The following KIAA0513 variants were observed in gnomAD, a reference collection of about 807,000 sequenced individuals.
KIAA0513 encodes the protein uncharacterized protein KIAA0513.
KIAA0513 carries 39 observed loss-of-function variants against 56.5 expected under a neutral mutation model. That is an observed-to-expected ratio of 0.69 (90% CI 0.53 to 0.90). The LOEUF (loss-of-function observed/expected upper bound fraction) is 0.90, where lower values mean the gene tolerates loss of function less well. KIAA0513 is among the 40% of genes least tolerant of loss of function. The probability of loss-of-function intolerance (pLI) is 0.00; values close to 1 mark genes in which losing one functional copy is unlikely to be tolerated. For missense variants in KIAA0513, 591 were observed against 535.2 expected (o/e 1.10, Z -1.03); for synonymous variants, 268 against 215.6 (o/e 1.24, Z -2.13).
intron 2 of KIAA0513, 118 bp downstream of exon 2, chr16:85,067,518 C>T: frequency 2.5e-6 from 2 of 793,312 alleles, no homozygotes; most frequent in Non-Finnish European, 3.9e-6. Flanking sequence ...GCTTCCATTT[C>T]CCCATCAGCC....
chr16:85,054,979 G>A (rs888303102), intron 1 of KIAA0513, among the ~76,000 whole-genome samples: 2 of 152,094 alleles, frequency 1.3e-5, no homozygotes, highest in African/African-American at 4.8e-5. Context: ...CTGGAGTGCA[G>A]TGGTACAATC....
intron 1 of KIAA0513, among the ~76,000 whole-genome samples, chr16:85,043,565 C>T (rs1336117127): frequency 2.0e-5 from 3 of 151,870 alleles, no homozygotes. Context: ...GCGTGCGCCA[C>T]CACACCCGAC....
At chr16:85,062,801 C>T (rs1344170433) in intron 1 of KIAA0513, among the ~76,000 whole-genome samples, 1 of 152,176 alleles carries the variant, frequency 6.6e-6, no homozygotes, top group Admixed American at 6.5e-5. Flanking sequence ...CAGTGTGGCT[C>T]CTTGCTGGAC....
chr16:85,077,321 T>C, intron 5 of KIAA0513, 104 bp from the exon 6 acceptor site: 2 of 1,044,606 alleles, frequency 1.9e-6, no homozygotes, highest in Non-Finnish European at 2.8e-6. Context: ...GGCTCCCGTA[T>C]CCCCACTGCA....
chr16:85,052,593 A>G (rs2073269815), intron 1 of KIAA0513, among the ~76,000 whole-genome samples: 2 of 152,196 alleles, frequency 1.3e-5, no homozygotes, highest in Non-Finnish European at 2.9e-5. Flanking sequence ...TCAGGATAGC[A>G]ATGAGTATAG....
At chr16:85,047,756 G>GC in intron 1 of KIAA0513, among the ~76,000 whole-genome samples, 1 of 152,120 alleles carries the variant, frequency 6.6e-6, no homozygotes, top group South Asian at 2.1e-4. Context: ...TTCTCCTGGA[G>GC]CCCCCGGGCA....
Position 85,089,029 on chromosome 16 carries a change from CAG to C in KIAA0513, c.*707_*708del. ...CGGCCCGGGAGCTGTGTGTCTCCGC[CAG>C]AGTCACAGCAGTGCCGAGGTGTCCG... On this transcript the variant is annotated 3_prime_UTR_variant, in exon 13 of 13. Transcript: ENST00000683363. The surrounding 1 kb of genome is among the most constrained non-coding windows in gnomAD (Gnocchi z 4.2). 1 of 152,420 alleles carries C rather than the reference CAG, an allele frequency of 6.6e-6. No homozygotes were observed. The highest frequency in any genetic ancestry group is 1.9e-4 in the East Asian group (1 of 5,178). 9.4% of individuals were successfully genotyped at this position (152,420 alleles called of 1,614,324 possible).
intron 3 of KIAA0513, among the ~76,000 whole-genome samples, chr16:85,072,279 T>C (rs1208550792): frequency 1.3e-5 from 2 of 152,128 alleles, no homozygotes; most frequent in Admixed American, 1.3e-4. Flanking sequence ...GAAACTGGGC[T>C]TTCAACTTTA....
chr16:85,056,644 C>G (rs1422516698), intron 1 of KIAA0513, among the ~76,000 whole-genome samples: 3 of 152,304 alleles, frequency 2.0e-5, no homozygotes, highest in Admixed American at 6.5e-5. Context: ...GCCGAGAGCC[C>G]TTTGTTCACT....
chr16:85,091,150 T>G lies in KIAA0513; in HGVS notation c.*2825T>G, dbSNP rs1169262600. 6.6e-6 allele frequency: 1 copy of G among 152,266 alleles called. No individual in the cohort carries two copies. The highest frequency in any genetic ancestry group is 1.5e-5 in the Non-Finnish European group (1 of 68,058). 9.4% of individuals were successfully genotyped at this position (152,266 alleles called of 1,614,324 possible). A position where few individuals can be genotyped will look rare whatever the true frequency, so the allele number is the denominator to read the frequency against. The stretch of plus-strand genomic sequence containing the variant: ...GAAGGCCTGTCATCCATGGGGCCAT[T>G]GCAGGCACTCTGCCGCCCGACCTTG... On this transcript the variant is annotated 3_prime_UTR_variant, in exon 13 of 13. Transcript: ENST00000683363.
intron 9 of KIAA0513, 36 bp from the exon 10 acceptor site, chr16:85,082,528 T>A: frequency 6.2e-7 from 1 of 1,612,168 alleles, no homozygotes; most frequent in Non-Finnish European, 8.5e-7. Flanking sequence ...GACTTTGACA[T>A]GTTCCTTTGT....
chr16:85,040,583 C>T (rs2073092310), intron 1 of KIAA0513, among the ~76,000 whole-genome samples: 1 of 152,106 alleles, frequency 6.6e-6, no homozygotes, highest in Non-Finnish European at 1.5e-5. Flanking sequence ...GTTGCTGTCT[C>T]GGAATTACCT....
At chr16:85,066,751 G>C (rs370985082) in intron 1 of KIAA0513, 149 bp from the exon 2 acceptor site, 8 of 305,754 alleles carry the variant, frequency 2.6e-5, no homozygotes, top group Non-Finnish European at 4.2e-5. Flanking sequence ...ACCAGGTGTT[G>C]AACAGTAAAG....
At chr16:85,041,100 G>C (rs2073098746) in intron 1 of KIAA0513, among the ~76,000 whole-genome samples, 1 of 152,194 alleles carries the variant, frequency 6.6e-6, no homozygotes, top group African/African-American at 2.4e-5. Context: ...GGGTAGAAAA[G>C]TGGTTGATTA....
chr16:85,070,167 T>C (rs1166828652), intron 2 of KIAA0513, among the ~76,000 whole-genome samples: 2 of 132,358 alleles, frequency 1.5e-5, no homozygotes, highest in Non-Finnish European at 3.2e-5. Flanking sequence ...GGAGACCCTG[T>C]CTCAAAAAAA....
chr16:85,035,929 A>C (rs1297512739), intron 1 of KIAA0513, among the ~76,000 whole-genome samples: 1 of 149,398 alleles, frequency 6.7e-6, no homozygotes, highest in African/African-American at 2.5e-5. Flanking sequence ...CAGTGAGCCG[A>C]GATCGTGCCA....
In KIAA0513 at chr16:85,082,619, C is replaced by G. The variant is rs200292545; in HGVS notation, c.1010+26C>G. 382 of 1,613,414 alleles carry G rather than the reference C, an allele frequency of 2.4e-4. 1 individual carries two copies. The highest frequency in any genetic ancestry group is 2.7e-4 in the Non-Finnish European group (324 of 1,179,502). ...GTGTGTGTGTCCACGTGACTTTGTT[C>G]CATTTTACAGTGCGGGCTCCTGCGA... On this transcript the variant is annotated intron_variant, in intron 10 of 12. Coordinates refer to ENST00000683363, the MANE Select transcript of KIAA0513 (RefSeq NM_001388359.1).
intron 1 of KIAA0513, among the ~76,000 whole-genome samples, chr16:85,051,239 A>C (rs1303253029): frequency 6.6e-6 from 1 of 152,176 alleles, no homozygotes; most frequent in African/African-American, 2.4e-5. Flanking sequence ...TTATTCTCCC[A>C]CTGGGTTGGG....
chr16:85,045,961 G>A (rs956815259), intron 1 of KIAA0513, among the ~76,000 whole-genome samples: 1 of 152,098 alleles, frequency 6.6e-6, no homozygotes, highest in Admixed American at 6.5e-5. Context: ...CCGACAATGT[G>A]CATCTCAAAG....
Sources: gnomAD v4.1 joint callset for allele counts (sites outside exome capture counted in the v4.1 genomes callset) on GRCh38, gnomAD v4.1.1 for gene constraint, Gnocchi (gnomAD v3.1) non-coding constraint, MANE v1.5 for transcripts, NCBI Gene and HGNC (gene_info 2026-07-23, HGNC 2026-07-21) for gene names.